The following PABPC4L variants were observed in gnomAD, a reference collection of about 807,000 sequenced individuals.
PABPC4L encodes poly(A) binding protein cytoplasmic 4 like, also known as polyadenylate-binding protein 4-like.
For synonymous variants in PABPC4L, 169 were observed against 164.1 expected, an observed-to-expected ratio of 1.03 and a Z score of -0.23; for missense variants, 452 against 451.4, an observed-to-expected ratio of 1.00 and a Z score of -0.01.
At chr4:134,123,053 G>C in the PABPC4L span, among the ~76,000 whole-genome samples, 7 of 152,016 alleles carry the variant, frequency 4.6e-5, no homozygotes, top group Admixed American at 3.9e-4. Flanking sequence ...ATTGCTCCTA[G>C]AGGAAATACA....
chr4:133,998,118 T>C, the PABPC4L span, among the ~76,000 whole-genome samples: 1 of 151,800 alleles, frequency 6.6e-6, no homozygotes, highest in Non-Finnish European at 1.5e-5. Flanking sequence ...TTATTTAATC[T>C]ATAATTTTTA....
At chr4:134,039,475 T>C in the PABPC4L span, among the ~76,000 whole-genome samples, 2 of 152,132 alleles carry the variant, frequency 1.3e-5, no homozygotes, top group Non-Finnish European at 2.9e-5. Context: ...TGTAGGTCTC[T>C]AAGAACTTGC....
the PABPC4L span, among the ~76,000 whole-genome samples, chr4:134,146,314 C>T: frequency 6.7e-6 from 1 of 149,014 alleles, no homozygotes; most frequent in African/African-American, 2.5e-5. Context: ...ATAAAAGATG[C>T]AATTTGAATA....
the PABPC4L span, among the ~76,000 whole-genome samples, chr4:134,147,747 G>GTT: frequency 1.1e-5 from 1 of 87,768 alleles, no homozygotes; most frequent in Non-Finnish European, 1.9e-5. Context: ...GTGTGTGTGT[G>GTT]TGTGTTGTTG....
At chr4:134,133,158 A>G in the PABPC4L span, among the ~76,000 whole-genome samples, 1 of 127,226 alleles carries the variant, frequency 7.9e-6, no homozygotes. Flanking sequence ...TATATAATAT[A>G]TCATATTACA....
the PABPC4L span, among the ~76,000 whole-genome samples, chr4:134,131,978 C>T: frequency 6.6e-6 from 1 of 151,878 alleles, no homozygotes; most frequent in Non-Finnish European, 1.5e-5. Flanking sequence ...ACATTCTGTT[C>T]ATCAAATGGT....
At chr4:134,012,243 A>T in the PABPC4L span, among the ~76,000 whole-genome samples, 1 of 152,252 alleles carries the variant, frequency 6.6e-6, no homozygotes, top group South Asian at 2.1e-4. Flanking sequence ...CTAAGCCATC[A>T]TATCCCCTGT....
At chr4:134,020,649 A>G in the PABPC4L span, among the ~76,000 whole-genome samples, 1 of 152,046 alleles carries the variant, frequency 6.6e-6, no homozygotes, top group Non-Finnish European at 1.5e-5. Context: ...GTACTAGCCT[A>G]CAACACCAAC....
the PABPC4L span, among the ~76,000 whole-genome samples, chr4:134,034,266 AC>A: frequency 6.6e-6 from 1 of 151,910 alleles, no homozygotes; most frequent in Non-Finnish European, 1.5e-5. Flanking sequence ...ACTACTTCTC[AC>A]TAGAAATATT....
chr4:134,101,989 C>T, the PABPC4L span, among the ~76,000 whole-genome samples: 70 of 151,494 alleles, frequency 4.6e-4, no homozygotes, highest in East Asian at 0.011. Flanking sequence ...TAAAAATATT[C>T]CACTTCTCCA....
the PABPC4L span, among the ~76,000 whole-genome samples, chr4:134,067,739 A>C: frequency 0.013 from 1,935 of 152,238 alleles, 43 homozygotes; most frequent in African/African-American, 0.041. Context: ...AGCTCTCATT[A>C]GTTTCAAAGA....
chr4:133,976,222 G>C, the PABPC4L span, among the ~76,000 whole-genome samples: 1 of 152,180 alleles, frequency 6.6e-6, no homozygotes, highest in South Asian at 2.1e-4. Context: ...TTTTCTGTTT[G>C]TCTGTTAGTT....
the PABPC4L span, among the ~76,000 whole-genome samples, chr4:134,189,059 T>C: frequency 9.9e-5 from 15 of 152,080 alleles, no homozygotes; most frequent in Admixed American, 9.8e-4. Context: ...CTCCTCAGCC[T>C]TATCCAATCT....
the PABPC4L span, among the ~76,000 whole-genome samples, chr4:134,026,836 A>C: frequency 6.6e-6 from 1 of 152,138 alleles, no homozygotes; most frequent in South Asian, 2.1e-4. Flanking sequence ...GAGGTCTACG[A>C]GCCAAAGAAT....
chr4:133,952,849 T>A, the PABPC4L span, among the ~76,000 whole-genome samples: 1 of 152,152 alleles, frequency 6.6e-6, no homozygotes, highest in African/African-American at 2.4e-5. Context: ...GAGTGACCAC[T>A]TAATTTGTTC....
the PABPC4L span, among the ~76,000 whole-genome samples, chr4:133,981,069 G>C: frequency 6.6e-6 from 1 of 152,118 alleles, no homozygotes; most frequent in African/African-American, 2.4e-5. Context: ...GTTGAGGCAG[G>C]AGAATTGCTT....
the PABPC4L span, among the ~76,000 whole-genome samples, chr4:134,019,074 A>T: frequency 2.6e-5 from 4 of 152,286 alleles, no homozygotes; most frequent in African/African-American, 9.6e-5. Context: ...TTTCAAATGC[A>T]AGTATCCTTC....
chr4:134,115,736 T>G, the PABPC4L span, among the ~76,000 whole-genome samples: 1 of 151,794 alleles, frequency 6.6e-6, no homozygotes, highest in Admixed American at 6.6e-5. Context: ...TGATACTACA[T>G]GAAGAATACT....
the PABPC4L span, among the ~76,000 whole-genome samples, chr4:134,123,629 T>A: frequency 6.6e-6 from 1 of 152,064 alleles, no homozygotes; most frequent in African/African-American, 2.4e-5. Flanking sequence ...TCCTGTTATA[T>A]GTTTAAATAC....
Sources: gnomAD v4.1 joint callset for allele counts (sites outside exome capture counted in the v4.1 genomes callset) on GRCh38, gnomAD v4.1.1 for gene constraint, MANE v1.5 for transcripts, NCBI Gene and HGNC (gene_info 2026-07-23, HGNC 2026-07-21) for gene names.